The following GLIS3 variants were observed in gnomAD, a reference collection of about 807,000 sequenced individuals.
The protein encoded by GLIS3 is GLIS family zinc finger 3.
GLIS3 carries 53 observed loss-of-function variants against 78.6 expected under a neutral mutation model. The observed-to-expected ratio is 0.67, with a 90% CI of 0.54 to 0.85. The LOEUF is 0.85. Among genes scored for constraint, GLIS3 ranks in the 40% least tolerant of loss-of-function variants. The pLI is 0.00. For synonymous variants in GLIS3, 684 were observed against 509.9 expected (o/e 1.34, Z -4.60); for missense variants, 1,703 against 1,231.1 (o/e 1.38, Z -5.74).
intron 3 of GLIS3, among the ~76,000 whole-genome samples, chr9:4,121,721 A>C (rs1832205171): frequency 6.6e-6 from 1 of 152,166 alleles, no homozygotes; most frequent in Admixed American, 6.5e-5. Context: ...GACCTACTGG[A>C]TCATACACAT....
intron 2 of GLIS3, among the ~76,000 whole-genome samples, chr9:4,209,298 T>C (rs1820168082): frequency 6.6e-6 from 1 of 152,192 alleles, no homozygotes; most frequent in South Asian, 2.1e-4. Flanking sequence ...CAACAGGTGC[T>C]TGTGCTACCT....
At chr9:4,378,490 C>A in the GLIS3 span, among the ~76,000 whole-genome samples, 3 of 152,016 alleles carry the variant, frequency 2.0e-5, no homozygotes, top group African/African-American at 7.2e-5. Flanking sequence ...GAAGAGAAGG[C>A]CTTAAAATAT....
At chr9:4,178,013 TG>T (rs1816959133) in intron 2 of GLIS3, among the ~76,000 whole-genome samples, 1 of 152,240 alleles carries the variant, frequency 6.6e-6, no homozygotes. Flanking sequence ...TCACTACCTT[TG>T]GGGAAATACA....
At chr9:4,005,010 A>G (rs1821426015) in intron 4 of GLIS3, among the ~76,000 whole-genome samples, 1 of 152,212 alleles carries the variant, frequency 6.6e-6, no homozygotes, top group Non-Finnish European at 1.5e-5. Flanking sequence ...ACAGGCAGGA[A>G]TCTAGGCCCC....
At chr9:3,953,795 C>CTCTCTCTCTCTCTATA (rs1403671770) in intron 4 of GLIS3, among the ~76,000 whole-genome samples, 18 of 73,314 alleles carry the variant, frequency 2.5e-4, no homozygotes, top group African/African-American at 1.0e-3. Flanking sequence ...CTCTCTCTCT[C>CTCTCTCTCTCTCTATA]TATATATATA....
At chr9:4,253,448 G>T (rs1331239093) in intron 2 of GLIS3, among the ~76,000 whole-genome samples, 1 of 152,240 alleles carries the variant, frequency 6.6e-6, no homozygotes, top group Non-Finnish European at 1.5e-5. Flanking sequence ...AATGGTGGAT[G>T]ACGCTCCCCC....
At chr9:4,141,770 T>C (rs1833836151) in intron 2 of GLIS3, among the ~76,000 whole-genome samples, 1 of 152,226 alleles carries the variant, frequency 6.6e-6, no homozygotes, top group South Asian at 2.1e-4. Context: ...TGTCATTGTA[T>C]AAAATCACAT....
At chr9:4,297,049 G>A (rs547134645) in intron 1 of GLIS3, among the ~76,000 whole-genome samples, 2 of 151,856 alleles carry the variant, frequency 1.3e-5, no homozygotes, top group South Asian at 2.1e-4. Context: ...CAGAACCAGC[G>A]GAAACAAACT....
intron 6 of GLIS3, among the ~76,000 whole-genome samples, chr9:3,925,071 T>A (rs914176264): frequency 6.6e-6 from 1 of 152,108 alleles, no homozygotes; most frequent in Non-Finnish European, 1.5e-5. Flanking sequence ...TGGTCCCCAT[T>A]ACCAATTTTC....
At chr9:4,164,838 G>C (rs1234345519) in intron 2 of GLIS3, among the ~76,000 whole-genome samples, 3 of 152,140 alleles carry the variant, frequency 2.0e-5, no homozygotes, top group Admixed American at 1.3e-4. Context: ...GCAAAGACCA[G>C]ACTTAAAAGA....
rs1484733536 is a variant in GLIS3 at position 3,826,557 on chromosome 9, A to T, written c.*1715T>A. 1 of 152,236 alleles carries T rather than the reference A, an allele frequency of 6.6e-6. No homozygotes were observed. The highest frequency in any genetic ancestry group is 1.9e-4 in the East Asian group (1 of 5,202). 9.4% of individuals were successfully genotyped at this position (152,236 alleles called of 1,614,324 possible). A position where few individuals can be genotyped will look rare whatever the true frequency, so the allele number is the denominator to read the frequency against. On this transcript the variant is annotated 3_prime_UTR_variant, in exon 11 of 11. Coordinates refer to ENST00000381971, the MANE Select transcript of GLIS3 (RefSeq NM_001042413.2). ...ATACAGCCCACTACTCAGAGAAACT[A>T]GATTGACCAAGTGCACTGTGAAAAC...
At chr9:4,253,404 C>G (rs1170683987) in intron 2 of GLIS3, among the ~76,000 whole-genome samples, 3 of 152,210 alleles carry the variant, frequency 2.0e-5, no homozygotes, top group South Asian at 2.1e-4. Flanking sequence ...TTTGTTTACA[C>G]TATGAGGGGA....
At chr9:4,141,124 G>C (rs1833781747) in intron 2 of GLIS3, among the ~76,000 whole-genome samples, 2 of 152,238 alleles carry the variant, frequency 1.3e-5, no homozygotes, top group East Asian at 1.9e-4. Context: ...TCACAGTCTT[G>C]TGTAGAAATC....
chr9:4,187,200 A>C (rs1432180760), intron 2 of GLIS3, among the ~76,000 whole-genome samples: 2 of 152,214 alleles, frequency 1.3e-5, no homozygotes, highest in Non-Finnish European at 2.9e-5. Context: ...ATCCAGTTTC[A>C]GCTTTCTACA....
chr9:4,033,825 A>C (rs953990990), intron 4 of GLIS3, among the ~76,000 whole-genome samples: 2 of 144,788 alleles, frequency 1.4e-5, no homozygotes, highest in African/African-American at 2.5e-5. Flanking sequence ...TGGCAACACA[A>C]GGATTTGTTT....
chr9:4,453,253 C>A, the GLIS3 span, among the ~76,000 whole-genome samples: 7 of 145,686 alleles, frequency 4.8e-5, no homozygotes, highest in East Asian at 6.2e-4. Flanking sequence ...TAGGCATGGG[C>A]AAGGACTTCA....
chr9:3,931,011 G>A (rs957312481), intron 6 of GLIS3, among the ~76,000 whole-genome samples: 4 of 152,084 alleles, frequency 2.6e-5, no homozygotes, highest in African/African-American at 9.7e-5. Flanking sequence ...AATTAACTTA[G>A]CAGTTCCTTT....
intron 4 of GLIS3, among the ~76,000 whole-genome samples, chr9:4,107,155 T>C (rs1479152030): frequency 6.6e-6 from 1 of 152,120 alleles, no homozygotes; most frequent in East Asian, 1.9e-4. Context: ...AGCTCCAAGA[T>C]CAAGATTGAA....
chr9:3,952,452 C>T (rs891720866), intron 4 of GLIS3, among the ~76,000 whole-genome samples: 5 of 152,154 alleles, frequency 3.3e-5, no homozygotes, highest in Non-Finnish European at 7.3e-5. Context: ...CTGTATTTTT[C>T]CTTCCTAATT....
Sources: gnomAD v4.1 joint callset for allele counts (sites outside exome capture counted in the v4.1 genomes callset) on GRCh38, gnomAD v4.1.1 for gene constraint, MANE v1.5 for transcripts, NCBI Gene and HGNC (gene_info 2026-07-23, HGNC 2026-07-21) for gene names.